RCC2: variants seen among roughly 807,000 people sequenced by gnomAD.
RCC2 encodes regulator of chromosome condensation 2, also known as protein RCC2.
RCC2 carries 19 observed loss-of-function variants against 64.1 expected under a neutral mutation model. The ratio of observed to expected loss-of-function variants is 0.30; its 90% CI spans 0.21 to 0.44. The LOEUF (loss-of-function observed/expected upper bound fraction) is 0.44, where lower values mean the gene tolerates loss of function less well. RCC2 is among the 20% of genes least tolerant of loss of function. RCC2 has a pLI of 1.00. For missense variants in RCC2, 508 were observed against 710.4 expected, an observed-to-expected ratio of 0.72 and a Z score of 3.24; for synonymous variants, 325 against 279.6, an observed-to-expected ratio of 1.16 and a Z score of -1.62.
At chr1:17,419,201 A>G (rs568076331) in intron 7 of RCC2, among the ~76,000 whole-genome samples, 1 of 152,198 alleles carries the variant, frequency 6.6e-6, no homozygotes, top group South Asian at 2.1e-4. Context: ...CTAAAAATAC[A>G]AAAAAAAGTT....
At chr1:17,423,720 A>C (rs536707349) in intron 4 of RCC2, among the ~76,000 whole-genome samples, 14 of 152,384 alleles carry the variant, frequency 9.2e-5, no homozygotes, top group African/African-American at 3.4e-4. Flanking sequence ...GAAAAACCAC[A>C]CATGTAACCT....
chr1:17,423,054 C>A (rs538206150), intron 4 of RCC2, among the ~76,000 whole-genome samples: 1 of 152,338 alleles, frequency 6.6e-6, no homozygotes, highest in Non-Finnish European at 1.5e-5. Context: ...TTCCCTGGGG[C>A]AGCAGCGGGA....
chr1:17,419,755 G>T (rs762629018), intron 7 of RCC2, among the ~76,000 whole-genome samples: 3 of 152,200 alleles, frequency 2.0e-5, no homozygotes, highest in Non-Finnish European at 4.4e-5. Flanking sequence ...CAGCAGGAGC[G>T]CGCACGTGGC....
chr1:17,423,750 A>C (rs1334936720), intron 4 of RCC2, among the ~76,000 whole-genome samples: 1 of 152,248 alleles, frequency 6.6e-6, no homozygotes. Flanking sequence ...AAACTGACGG[A>C]GATCTTACAG....
intron 8 of RCC2, 140 bp from the exon 9 acceptor site, chr1:17,413,857 G>T: frequency 1.3e-6 from 1 of 788,364 alleles, no homozygotes; most frequent in Non-Finnish European, 2.0e-6. Flanking sequence ...TACCAGCCGG[G>T]CACGGTGGTT....
rs138502053 is a variant in RCC2, at chr1:17,436,440, G to A, written c.285+1790C>T. Among the ~76,000 whole-genome samples, 152 of 152,336 alleles carry A rather than the reference G, an allele frequency of 1.0e-3. 1 individual carries two copies. Among genetic ancestry groups the A allele is most frequent in the African/African-American group, 3.5e-3 (146 of 41,578 alleles). ...CAAAAATCACTTGAACCTGAGAGGC[G>A]GAGGTTGCAGTGAGCTGAGATCGTG... is the stretch of plus-strand genomic sequence containing the variant. On this transcript the variant is annotated intron_variant, in intron 2 of 12. Coordinates refer to ENST00000375436, the MANE Select transcript of RCC2 (RefSeq NM_018715.4).
chr1:17,435,859 A>G (rs1431189563), intron 2 of RCC2, among the ~76,000 whole-genome samples: 1 of 150,310 alleles, frequency 6.7e-6, no homozygotes, highest in Admixed American at 6.7e-5. Flanking sequence ...CGGAGATTGC[A>G]GTGAGCTGAG....
chr1:17,429,209 CAG>C lies in RCC2; in HGVS notation c.286-12_286-11del, dbSNP rs1253210469. ...TTGACCCTTCAAGTTTCTGCAGAGA[CAG>C]AGAAAGGAAAAAAGAATTAGTGTGT... On this transcript the variant is annotated splice_polypyrimidine_tract_variant and intron_variant, in intron 2 of 12. Coordinates refer to ENST00000375436, the MANE Select transcript of RCC2 (RefSeq NM_018715.4). 1.9e-6 allele frequency: 3 copies of C among 1,611,528 alleles called. No homozygotes were observed. Among genetic ancestry groups the C allele is most frequent in the Non-Finnish European group, 2.5e-6 (3 of 1,177,848 alleles).
At chr1:17,409,478 T>C (rs968956095) in intron 12 of RCC2, among the ~76,000 whole-genome samples, 2 of 152,080 alleles carry the variant, frequency 1.3e-5, no homozygotes, top group African/African-American at 2.4e-5. Flanking sequence ...TGGCTCCAGC[T>C]CCACTTCCAT....
chr1:17,429,348 A>C (rs1336140177), intron 2 of RCC2, 149 bp from the exon 3 acceptor site: 8 of 644,886 alleles, frequency 1.2e-5, no homozygotes, highest in Non-Finnish European at 2.2e-5. Flanking sequence ...GTCTCCCCAC[A>C]CTCCCCTCCC....
At chr1:17,414,437 G>C (rs2075458645) in intron 8 of RCC2, among the ~76,000 whole-genome samples, 1 of 151,764 alleles carries the variant, frequency 6.6e-6, no homozygotes, top group Non-Finnish European at 1.5e-5. Flanking sequence ...GGCTGAGACA[G>C]GAGAATCTCT....
chr1:17,423,806 AG>A (rs1369576890), intron 4 of RCC2, among the ~76,000 whole-genome samples: 4 of 152,254 alleles, frequency 2.6e-5, no homozygotes, highest in African/African-American at 9.6e-5. Flanking sequence ...AACCTTCTCC[AG>A]CAATGAACTT....
intron 7 of RCC2, among the ~76,000 whole-genome samples, chr1:17,416,867 T>G (rs760371746): frequency 1.3e-5 from 2 of 152,204 alleles, no homozygotes; most frequent in Admixed American, 6.5e-5. Flanking sequence ...ACCAGTTATT[T>G]TTTAAAAACG....
intron 10 of RCC2, among the ~76,000 whole-genome samples, chr1:17,412,420 G>C (rs904269705): frequency 6.6e-6 from 1 of 152,200 alleles, no homozygotes; most frequent in Non-Finnish European, 1.5e-5. Context: ...CAGGCCTAGG[G>C]GCCAAAGGCA....
chr1:17,408,722 G>A lies in RCC2; in HGVS notation c.*368C>T, dbSNP rs1570168066. 1 of 186,440 alleles carries A rather than the reference G, an allele frequency of 5.4e-6. No individual in the cohort carries two copies. Among genetic ancestry groups the A allele is most frequent in the East Asian group, 1.4e-4 (1 of 7,018 alleles). 11.5% of individuals were successfully genotyped at this position (186,440 alleles called of 1,614,324 possible). ...TCCATGTGGCATCTGCTTGGATCAC[G>A]ATGCTAATTGTAACTGGAAAGGGGT... On this transcript the variant is annotated 3_prime_UTR_variant, in exon 13 of 13. Coordinates refer to ENST00000375436, the MANE Select transcript of RCC2 (RefSeq NM_018715.4).
chr1:17,422,198 G>GT lies in RCC2; in HGVS notation c.744+4dup, dbSNP rs764154304. 7.4e-5 allele frequency: 118 copies of GT among 1,599,294 alleles called. No homozygotes were observed. In the Middle Eastern group the frequency reaches 9.6e-4, roughly 13 times the overall value. On this transcript the variant is annotated splice_donor_region_variant and intron_variant, in intron 6 of 12. Transcript: ENST00000375436. Reference sequence around the variant, plus strand: ...GCCATGGAGCCGGAGCTGAGGAGGGGTCACCTGCGCGGGGCTGGGAACAGC... The same window carrying GT: ...GCCATGGAGCCGGAGCTGAGGAGGGGTTCACCTGCGCGGGGCTGGGAACAGC...
intron 2 of RCC2, among the ~76,000 whole-genome samples, chr1:17,434,802 C>A (rs1206138058): frequency 1.3e-5 from 2 of 152,228 alleles, no homozygotes; most frequent in East Asian, 3.8e-4. Context: ...CCTCCCTTTA[C>A]GTCTAGTCAC....
chr1:17,425,388 G>A (rs1421381932), intron 4 of RCC2, among the ~76,000 whole-genome samples, 153 bp downstream of exon 4: 1 of 152,132 alleles, frequency 6.6e-6, no homozygotes, highest in Non-Finnish European at 1.5e-5. Flanking sequence ...GACAAGAGAC[G>A]AGCTGGGAAT....
In RCC2 at chr1:17,431,359, AATATATATAT is replaced by A. The variant is rs71014951; in HGVS notation, c.286-2170_286-2161del. ...AAAAAAAAAAAAAAAAAAAAAAAAAAATATATATATATATATATATATGTGGGCTGGGTGT... is the reference window on the plus strand; with the variant it reads ...AAAAAAAAAAAAAAAAAAAAAAAAAAATATATATATATGTGGGCTGGGTGT... On this transcript the variant is annotated intron_variant, in intron 2 of 12. Transcript: ENST00000375436. 3.0e-3 allele frequency among the ~76,000 whole-genome samples: 137 copies of A among 44,928 alleles called. 1 individual carries two copies. The highest frequency in any genetic ancestry group is 0.014 in the African/African-American group (132 of 9,430). 29.5% of individuals were successfully genotyped at this position (44,928 alleles called of 152,430 possible).
Sources: allele counts gnomAD v4.1 joint callset (sites outside exome capture counted in the v4.1 genomes callset), GRCh38; gene constraint gnomAD v4.1.1; transcripts MANE v1.5; gene names NCBI Gene and HGNC (gene_info 2026-07-23, HGNC 2026-07-21).